TNRC6B: variants seen among roughly 807,000 people sequenced by gnomAD.
TNRC6B encodes the protein trinucleotide repeat-containing gene 6B protein.
A neutral mutation model predicts 203.6 loss-of-function variants in TNRC6B; 52 were observed. The observed-to-expected ratio is 0.26, with a 90% CI of 0.20 to 0.32. TNRC6B has a LOEUF of 0.32. Ranked by LOEUF, TNRC6B falls within the 10% of genes least tolerant of loss-of-function variation. The pLI is 1.00. For missense variants in TNRC6B, 1,923 were observed against 2,286.2 expected, an observed-to-expected ratio of 0.84 and a Z score of 3.24; for synonymous variants, 838 against 845.7, an observed-to-expected ratio of 0.99 and a Z score of 0.16.
At chr22:40,139,212 T>C (rs191903296) in intron 3 of TNRC6B, among the ~76,000 whole-genome samples, 1 of 152,324 alleles carries the variant, frequency 6.6e-6, no homozygotes, top group Admixed American at 6.5e-5. Context: ...TTCTGTGTGA[T>C]GTGAGACTTC....
At chr22:40,275,907 C>T (rs1261520832) in intron 7 of TNRC6B, among the ~76,000 whole-genome samples, 6 of 150,776 alleles carry the variant, frequency 4.0e-5, no homozygotes, top group Admixed American at 3.3e-4. Context: ...TGCAGTGAGC[C>T]GAGATCGCGC....
intron 1 of TNRC6B, among the ~76,000 whole-genome samples, chr22:40,208,504 ATAAAG>A (rs2069516746): frequency 1.3e-5 from 2 of 152,344 alleles, no homozygotes; most frequent in South Asian, 2.1e-4. Context: ...TTGCAGAAGA[ATAAAG>A]TAATAAAATT....
At chr22:40,276,952 TTTAG>T (rs1317564141) in intron 7 of TNRC6B, 121 bp from the exon 8 acceptor site, 1 of 547,968 alleles carries the variant, frequency 1.8e-6, no homozygotes, top group Admixed American at 4.1e-5. Flanking sequence ...TCAACATAAT[TTTAG>T]TTAAAGAGAA....
At chr22:40,248,957 C>T (rs540647894) in intron 2 of TNRC6B, among the ~76,000 whole-genome samples, 8 of 152,278 alleles carry the variant, frequency 5.3e-5, no homozygotes, top group Middle Eastern at 3.4e-3. Context: ...TGATTATCTT[C>T]GTGGTTTCCA....
intron 3 of TNRC6B, among the ~76,000 whole-genome samples, chr22:40,127,533 T>C (rs2068503875): frequency 6.6e-6 from 1 of 151,986 alleles, no homozygotes; most frequent in African/African-American, 2.4e-5. Flanking sequence ...ATTTCTGAGG[T>C]ACATATACAC....
intron 3 of TNRC6B, among the ~76,000 whole-genome samples, chr22:40,144,379 A>T (rs2068671983): frequency 6.6e-6 from 1 of 152,146 alleles, no homozygotes; most frequent in African/African-American, 2.4e-5. Flanking sequence ...TACTAAGTTT[A>T]AAAATTGAAC....
chr22:40,053,560 CTT>C (rs1007836365), intron 1 of TNRC6B, among the ~76,000 whole-genome samples: 7 of 152,188 alleles, frequency 4.6e-5, no homozygotes, highest in Non-Finnish European at 7.3e-5. Context: ...TTCTCTTAGA[CTT>C]TACTCATTTC....
intron 4 of TNRC6B, among the ~76,000 whole-genome samples, chr22:40,166,552 A>G (rs1345640376): frequency 6.6e-6 from 1 of 151,236 alleles, no homozygotes; most frequent in Non-Finnish European, 1.5e-5. Flanking sequence ...GTTTTTTGTT[A>G]TTAAGTTCCT....
At chr22:40,235,199 C>T (rs905752204) in intron 1 of TNRC6B, among the ~76,000 whole-genome samples, 1 of 152,130 alleles carries the variant, frequency 6.6e-6, no homozygotes, top group Non-Finnish European at 1.5e-5. Flanking sequence ...ATACAAGTCA[C>T]ATGTCTTAGG....
chr22:40,209,408 A>G (rs1484115251), intron 1 of TNRC6B, among the ~76,000 whole-genome samples: 1 of 152,200 alleles, frequency 6.6e-6, no homozygotes, highest in Non-Finnish European at 1.5e-5. Context: ...TCTCACCATA[A>G]GAACATGGGC....
chr22:40,219,788 C>G (rs1430000257), intron 1 of TNRC6B, among the ~76,000 whole-genome samples: 1 of 152,200 alleles, frequency 6.6e-6, no homozygotes, highest in Non-Finnish European at 1.5e-5. Flanking sequence ...TCTCTACATT[C>G]TGTCCTATTA....
intron 1 of TNRC6B, among the ~76,000 whole-genome samples, chr22:40,204,893 A>G (rs749180166): frequency 2.2e-4 from 33 of 152,222 alleles, no homozygotes; most frequent in Admixed American, 3.3e-4. Context: ...CTAACCTTCA[A>G]TTTCACTTAT....
intron 3 of TNRC6B, among the ~76,000 whole-genome samples, chr22:40,254,032 T>G (rs1393682947): frequency 6.6e-6 from 1 of 152,092 alleles, no homozygotes; most frequent in Non-Finnish European, 1.5e-5. Context: ...TAGTAGTGTA[T>G]TCATTATATA....
intron 15 of TNRC6B, among the ~76,000 whole-genome samples, chr22:40,307,705 C>G (rs942463698): frequency 6.6e-5 from 10 of 152,088 alleles, no homozygotes; most frequent in Non-Finnish European, 1.2e-4. Flanking sequence ...CCCACCTACT[C>G]AAGCTTTGGT....
At chr22:40,102,508 G>A (rs549856818) in intron 1 of TNRC6B, among the ~76,000 whole-genome samples, 2 of 152,202 alleles carry the variant, frequency 1.3e-5, no homozygotes, top group Admixed American at 1.3e-4. Flanking sequence ...GTGTGGATGA[G>A]ATTTTAAATA....
chr22:40,192,713 C>T (rs142381052), intron 1 of TNRC6B, among the ~76,000 whole-genome samples: 1 of 152,076 alleles, frequency 6.6e-6, no homozygotes, highest in East Asian at 1.9e-4. Flanking sequence ...TAGATCAGCC[C>T]CAGGCTGGGG....
chr22:40,259,485 G>T (rs1183427144), intron 3 of TNRC6B, among the ~76,000 whole-genome samples: 1 of 152,196 alleles, frequency 6.6e-6, no homozygotes, highest in Non-Finnish European at 1.5e-5. Flanking sequence ...GCCTCCCAAA[G>T]TGCTGGGATT....
chr22:40,124,665 G>C (rs1340697380), intron 2 of TNRC6B, among the ~76,000 whole-genome samples: 2 of 151,992 alleles, frequency 1.3e-5, no homozygotes, highest in African/African-American at 2.4e-5. Flanking sequence ...GTAGCTGATA[G>C]GTTTGTAAAT....
In TNRC6B at chr22:40,324,251, G is replaced by A. The variant is rs2071375781; in HGVS notation, c.*1010G>A. ...GCACTGCCAAGTCCAAAAAACTAGA[G>A]CAGGAGGTACCTCTTGGAGCAACGG... On this transcript the variant is annotated 3_prime_UTR_variant, in exon 23 of 23. Transcript: ENST00000454349. 1 of 152,028 alleles carries A rather than the reference G, an allele frequency of 6.6e-6. No homozygotes were observed. The highest frequency in any genetic ancestry group is 1.5e-5 in the Non-Finnish European group (1 of 67,944). 9.4% of individuals were successfully genotyped at this position (152,028 alleles called of 1,614,324 possible). A position where few individuals can be genotyped will look rare whatever the true frequency, so the allele number is the denominator to read the frequency against.
Sources: gnomAD v4.1 joint callset for allele counts (sites outside exome capture counted in the v4.1 genomes callset) on GRCh38, gnomAD v4.1.1 for gene constraint, MANE v1.5 for transcripts, NCBI Gene and HGNC (gene_info 2026-07-23, HGNC 2026-07-21) for gene names.